Variants in ABCB7 observed in about 807,000 individuals in gnomAD.
The protein encoded by ABCB7 is iron-sulfur clusters transporter ABCB7, mitochondrial.
ABCB7 carries 7 observed loss-of-function variants against 54.4 expected under a neutral mutation model. The ratio of observed to expected loss-of-function variants is 0.13; its 90% CI spans 0.07 to 0.24. ABCB7 has a LOEUF of 0.24. ABCB7 is among the 10% of genes least tolerant of loss of function. The probability of loss-of-function intolerance (pLI) is 1.00; values close to 1 mark genes in which losing one functional copy is unlikely to be tolerated. For missense variants in ABCB7, 356 were observed against 570.4 expected (o/e 0.62, Z 3.83); for synonymous variants, 218 against 207.1 (o/e 1.05, Z -0.45).
At chrX:75,092,315 C>T (rs2081550452) in intron 4 of ABCB7, among the ~76,000 whole-genome samples, 2 of 110,766 alleles carry the variant, frequency 1.8e-5, no homozygotes, top group African/African-American at 3.3e-5. Context: ...GCAAAGGCAA[C>T]CCAATGGGAA....
intron 1 of ABCB7, among the ~76,000 whole-genome samples, chrX:75,139,826 A>C (rs1012500148): frequency 8.9e-6 from 1 of 111,986 alleles, no homozygotes; most frequent in Non-Finnish European, 1.9e-5. Flanking sequence ...TAAGTGTATA[A>C]TCATACAGGC....
intron 1 of ABCB7, among the ~76,000 whole-genome samples, chrX:75,150,540 A>C (rs1198076127): frequency 1.8e-5 from 2 of 111,866 alleles, no homozygotes; most frequent in African/African-American, 6.5e-5. Flanking sequence ...CCAATAATGT[A>C]AAAATTATGT....
intron 1 of ABCB7, among the ~76,000 whole-genome samples, chrX:75,138,201 T>C: frequency 1.1e-5 from 1 of 92,562 alleles, no homozygotes; most frequent in East Asian, 4.1e-4. Flanking sequence ...TTGACAAGGA[T>C]GTGGAGAAAT....
At chrX:75,056,680 T>A (rs2081243104) in intron 15 of ABCB7, among the ~76,000 whole-genome samples, 1 of 111,723 alleles carries the variant, frequency 9.0e-6, no homozygotes, top group South Asian at 3.8e-4. Context: ...TTGGGACATT[T>A]TTTTTAAATC....
At chrX:75,076,776 G>A in intron 4 of ABCB7, 122 bp from the exon 5 acceptor site, 1 of 834,672 alleles carries the variant, frequency 1.2e-6, no homozygotes, top group Non-Finnish European at 1.7e-6. Context: ...ACTGGTATTA[G>A]AGTGATTTTC....
intron 1 of ABCB7, among the ~76,000 whole-genome samples, chrX:75,123,655 CCATTT>C (rs1422288559): frequency 2.7e-5 from 3 of 111,493 alleles, no homozygotes; most frequent in Non-Finnish European, 5.7e-5. Flanking sequence ...TAAAATCTTT[CCATTT>C]ATTTGTGTCC....
chrX:75,076,127 A>G (rs905793558), intron 5 of ABCB7, among the ~76,000 whole-genome samples: 8 of 111,811 alleles, frequency 7.2e-5, no homozygotes, highest in African/African-American at 2.3e-4. Flanking sequence ...GTCATTACTA[A>G]TGAATATATT....
intron 4 of ABCB7, among the ~76,000 whole-genome samples, chrX:75,083,590 T>A (rs1243611213): frequency 9.3e-6 from 1 of 107,463 alleles, no homozygotes; most frequent in African/African-American, 3.7e-5. Flanking sequence ...TAGAAAAGTT[T>A]ATTCTAAAAT....
chrX:75,140,398 C>T (rs1371378625), intron 1 of ABCB7, among the ~76,000 whole-genome samples: 1 of 110,562 alleles, frequency 9.0e-6, no homozygotes, highest in East Asian at 2.8e-4. Flanking sequence ...AACCCTGTTT[C>T]TAATAAAGGA....
chrX:75,152,143 TA>T (rs1301771661), intron 1 of ABCB7, among the ~76,000 whole-genome samples: 1 of 112,504 alleles, frequency 8.9e-6, no homozygotes, highest in Admixed American at 9.4e-5. Context: ...AATTATTGTT[TA>T]ATAATTTTAA....
intron 1 of ABCB7, among the ~76,000 whole-genome samples, chrX:75,149,446 G>C (rs775498128): frequency 7.2e-5 from 8 of 111,623 alleles, no homozygotes; most frequent in Non-Finnish European, 7.5e-5. Flanking sequence ...GAAATGCAAC[G>C]GACAAACTTA....
intron 14 of ABCB7, among the ~76,000 whole-genome samples, chrX:75,060,924 A>G (rs752837132): frequency 1.6e-4 from 18 of 112,037 alleles, no homozygotes; most frequent in African/African-American, 5.8e-4. Flanking sequence ...GTAAAGTATA[A>G]GAGTTGTACA....
At chrX:75,143,704 C>T (rs1035774799) in intron 1 of ABCB7, among the ~76,000 whole-genome samples, 40 of 111,188 alleles carry the variant, frequency 3.6e-4, no homozygotes, top group African/African-American at 1.2e-3. Context: ...GAGCAAGACA[C>T]GTCTCACATT....
chrX:75,131,858 A>G (rs2081976301), intron 1 of ABCB7, among the ~76,000 whole-genome samples: 1 of 111,373 alleles, frequency 9.0e-6, no homozygotes, highest in Non-Finnish European at 1.9e-5. Context: ...TGAGGAAGAA[A>G]TCCCAGAGTC....
intron 12 of ABCB7, among the ~76,000 whole-genome samples, chrX:75,066,869 C>T (rs1371151135): frequency 2.7e-5 from 3 of 111,118 alleles, no homozygotes; most frequent in Non-Finnish European, 5.7e-5. Context: ...TCTTTAAAAA[C>T]ACAATATTTA....
At chrX:75,109,425 G>A (rs936797364) in intron 3 of ABCB7, among the ~76,000 whole-genome samples, 6 of 111,258 alleles carry the variant, frequency 5.4e-5, no homozygotes, top group South Asian at 3.8e-4. Flanking sequence ...TTTTCTATCC[G>A]TTGCTTGTTC....
At chrX:75,090,457 A>T (rs1328632185) in intron 4 of ABCB7, among the ~76,000 whole-genome samples, 1 of 110,895 alleles carries the variant, frequency 9.0e-6, no homozygotes, top group African/African-American at 3.3e-5. Context: ...TGAAGATACA[A>T]TGTATCAGAA....
chrX:75,119,533 A>C (rs1033822364), intron 1 of ABCB7, among the ~76,000 whole-genome samples: 3 of 112,265 alleles, frequency 2.7e-5, no homozygotes, highest in Admixed American at 9.4e-5. Context: ...CCTTATGGTC[A>C]AACATTAAAA....
chrX:75,098,897 T>C, intron 4 of ABCB7, 45 bp downstream of exon 4: 1 of 1,205,569 alleles, frequency 8.3e-7, no homozygotes, highest in Non-Finnish European at 1.1e-6. Flanking sequence ...CTAGAAAATG[T>C]AGTATTTCTT....
Sources: allele counts gnomAD v4.1 joint callset (sites outside exome capture counted in the v4.1 genomes callset), GRCh38; gene constraint gnomAD v4.1.1; transcripts MANE v1.5; gene names NCBI Gene and HGNC (gene_info 2026-07-23, HGNC 2026-07-21).